The following COG5 variants were observed in gnomAD, a reference collection of about 807,000 sequenced individuals.
COG5 encodes the protein component of oligomeric golgi complex 5, also known as conserved oligomeric Golgi complex subunit 5.
Under a neutral mutation model 110.4 loss-of-function variants are expected in COG5, and 86 were observed. The observed-to-expected ratio is 0.78, with a 90% CI of 0.65 to 0.93. COG5 has a LOEUF of 0.93. Ranked by LOEUF, COG5 falls within the 40% of genes least tolerant of loss-of-function variation. The pLI is 0.00. For missense variants in COG5, 1,077 were observed against 987.0 expected (o/e 1.09, Z -1.22); for synonymous variants, 360 against 334.6 (o/e 1.08, Z -0.83).
In COG5 at chr7:107,467,144, C is replaced by T. The variant is rs111555215; in HGVS notation, c.539-54512G>A. Among the ~76,000 whole-genome samples, 846 of 152,080 alleles carry T rather than the reference C, an allele frequency of 5.6e-3. 11 individuals are homozygous for T. The highest frequency in any genetic ancestry group is 0.02 in the African/African-American group (815 of 41,498). On this transcript the variant is annotated intron_variant, in intron 6 of 21. Transcript: ENST00000297135. The stretch of plus-strand genomic sequence containing the variant: ...AGATATGCAATTAAAATATTTATAA[C>T]TAAAAAGAAAAGCACGACTTTTAAA...
chr7:107,341,178 T>A (rs1260169682), intron 10 of COG5, among the ~76,000 whole-genome samples: 1 of 152,068 alleles, frequency 6.6e-6, no homozygotes, highest in Non-Finnish European at 1.5e-5. Context: ...TATAGCAAAG[T>A]TTCAGGAAAC....
chr7:107,473,967 A>G (rs2129111770), intron 6 of COG5: 2 of 574,680 alleles, frequency 3.5e-6, no homozygotes, highest in Middle Eastern at 3.2e-4. Flanking sequence ...TTTTTTTCTT[A>G]CAAAGAACAC....
At chr7:107,522,545 T>C (rs1040469342) in intron 6 of COG5, among the ~76,000 whole-genome samples, 1 of 152,016 alleles carries the variant, frequency 6.6e-6, no homozygotes, top group Non-Finnish European at 1.5e-5. Flanking sequence ...TGTATAACTA[T>C]GTAACAAACC....
intron 10 of COG5, among the ~76,000 whole-genome samples, chr7:107,336,659 C>A (rs1810724549): frequency 6.6e-6 from 1 of 152,152 alleles, no homozygotes; most frequent in African/African-American, 2.4e-5. Context: ...ATATGTATAT[C>A]TATTACAAAA....
intron 13 of COG5, 54 bp from the exon 14 acceptor site, chr7:107,281,453 G>T: frequency 1.6e-6 from 2 of 1,282,292 alleles, no homozygotes; most frequent in Non-Finnish European, 2.3e-6. Context: ...CATCAACAAA[G>T]TAAAGAGCAA....
At chr7:107,236,935 T>C (rs891903546) in intron 17 of COG5, among the ~76,000 whole-genome samples, 3 of 152,208 alleles carry the variant, frequency 2.0e-5, no homozygotes, top group Admixed American at 2.0e-4. Context: ...ACCTAAAGAT[T>C]ATTAAGAATG....
intron 14 of COG5, among the ~76,000 whole-genome samples, chr7:107,262,353 A>G (rs953680779): frequency 1.4e-4 from 22 of 152,132 alleles, no homozygotes; most frequent in African/African-American, 2.2e-4. Context: ...GCAGTGAGTG[A>G]TATCTTCAGC....
chr7:107,549,250 C>G (rs1802700199), intron 3 of COG5: 1 of 152,224 alleles, frequency 6.6e-6, no homozygotes, highest in South Asian at 2.1e-4. Flanking sequence ...TGGGTTTCCA[C>G]CAATACTCCA....
intron 14 of COG5, among the ~76,000 whole-genome samples, chr7:107,259,760 A>G (rs1371545745): frequency 6.6e-6 from 1 of 152,088 alleles, no homozygotes; most frequent in African/African-American, 2.4e-5. Flanking sequence ...ATGTTATTTT[A>G]TTTCAATTTG....
chr7:107,498,154 C>A (rs1798396201), intron 6 of COG5, among the ~76,000 whole-genome samples: 1 of 152,140 alleles, frequency 6.6e-6, no homozygotes, highest in Admixed American at 6.6e-5. Context: ...AATGATTTAG[C>A]CGTTAGACCT....
At chr7:107,512,370 C>T (rs1204141827) in intron 6 of COG5, among the ~76,000 whole-genome samples, 1 of 152,176 alleles carries the variant, frequency 6.6e-6, no homozygotes, top group East Asian at 1.9e-4. Context: ...AGGAGAACTA[C>T]AAGCCACTGC....
intron 21 of COG5, chr7:107,209,922 T>G: frequency 1.0e-6 from 1 of 986,458 alleles, no homozygotes; most frequent in Non-Finnish European, 1.2e-6. Context: ...TGAGAGCAGT[T>G]GCAGGGAAGA....
chr7:107,476,183 T>TAAAAAAAA lies in COG5; in HGVS notation c.538+51053_538+51054insTTTTTTTT, dbSNP rs1563056700. On this transcript the variant is annotated intron_variant, in intron 6 of 21. Transcript: ENST00000297135. ...TCTGGATTAATATAGTGCAATGATT[T>TAAAAAAAA]TAAAAAAAAAAAAAAAAAAAAAAAG... is the stretch of plus-strand genomic sequence containing the variant. Among the ~76,000 whole-genome samples the TAAAAAAAA allele has an allele frequency of 9.1e-4, 79 of 86,392 alleles. 1 individual carries two copies. Among genetic ancestry groups the TAAAAAAAA allele is most frequent in the African/African-American group, 2.6e-3 (44 of 17,170 alleles). 56.7% of individuals were successfully genotyped at this position (86,392 alleles called of 152,430 possible). A position where few individuals can be genotyped will look rare whatever the true frequency, so the allele number is the denominator to read the frequency against.
intron 5 of COG5, among the ~76,000 whole-genome samples, chr7:107,535,334 T>C (rs893306795): frequency 2.6e-5 from 4 of 151,126 alleles, no homozygotes; most frequent in Admixed American, 6.6e-5. Context: ...CTGAAGGAGA[T>C]AGAGACATGA....
chr7:107,411,017 TC>T (rs1204800090), intron 7 of COG5, among the ~76,000 whole-genome samples: 3 of 152,148 alleles, frequency 2.0e-5, no homozygotes, highest in African/African-American at 7.2e-5. Flanking sequence ...ATTGGTAACA[TC>T]CAGGATGTGG....
intron 1 of COG5, among the ~76,000 whole-genome samples, chr7:107,558,775 C>T (rs934628728): frequency 2.7e-5 from 4 of 150,594 alleles, no homozygotes; most frequent in Non-Finnish European, 4.4e-5. Flanking sequence ...GTAGTCCCAG[C>T]TACTCGAGAG....
At chr7:107,421,851 TAATC>T (rs1793317123) in intron 6 of COG5, among the ~76,000 whole-genome samples, 1 of 152,090 alleles carries the variant, frequency 6.6e-6, no homozygotes, top group Admixed American at 6.5e-5. Flanking sequence ...CATTTTTAAA[TAATC>T]AAGGGATCAC....
chr7:107,333,692 G>T (rs191112969), intron 10 of COG5, among the ~76,000 whole-genome samples: 27 of 152,248 alleles, frequency 1.8e-4, no homozygotes, highest in African/African-American at 6.3e-4. Context: ...GTCTCTGGAT[G>T]AAAGGATTAA....
rs575244647 is a variant in COG5, at chr7:107,219,405, T to C, written c.2169-8180A>G. Among the ~76,000 whole-genome samples the C allele has an allele frequency of 8.5e-5, 13 of 152,316 alleles. 1 individual carries two copies. In the South Asian group the frequency reaches 1.9e-3, roughly 22 times the overall value. Reference sequence around the variant, plus strand: ...CACTTCATGCTCAATGCAGCATTATTTACGATAGCCAAGTTATGGAATCAA... The same window carrying C: ...CACTTCATGCTCAATGCAGCATTATCTACGATAGCCAAGTTATGGAATCAA... On this transcript the variant is annotated intron_variant, in intron 19 of 21. Transcript: ENST00000297135.
Sources: gnomAD v4.1 joint callset for allele counts (sites outside exome capture counted in the v4.1 genomes callset) on GRCh38, gnomAD v4.1.1 for gene constraint, MANE v1.5 for transcripts, NCBI Gene and HGNC (gene_info 2026-07-23, HGNC 2026-07-21) for gene names.